C1orf21: variants seen among roughly 807,000 people sequenced by gnomAD.
C1orf21 encodes uncharacterized protein C1orf21.
C1orf21 carries 3 observed loss-of-function variants against 18.7 expected under a neutral mutation model. That is an observed-to-expected ratio of 0.16 (90% CI 0.07 to 0.42). The LOEUF (loss-of-function observed/expected upper bound fraction) is 0.42. Among genes scored for constraint, C1orf21 ranks in the 10% least tolerant of loss-of-function variants. The pLI is 0.99. For missense variants in C1orf21, 104 were observed against 143.6 expected (o/e 0.72, Z 1.41); for synonymous variants, 41 against 46.4 (o/e 0.88, Z 0.47).
chr1:184,486,090 G>T (rs1036842568), intron 2 of C1orf21, among the ~76,000 whole-genome samples: 37 of 152,214 alleles, frequency 2.4e-4, no homozygotes, highest in African/African-American at 8.2e-4. Flanking sequence ...GGGGCTCATG[G>T]AATCACAGAA....
At chr1:184,523,434 C>T (rs1004839467) in intron 3 of C1orf21, among the ~76,000 whole-genome samples, 1 of 152,054 alleles carries the variant, frequency 6.6e-6, no homozygotes, top group Non-Finnish European at 1.5e-5. Context: ...AAATATCTGA[C>T]TGGTACTCCT....
At chr1:184,602,949 A>G (rs933834249) in intron 5 of C1orf21, among the ~76,000 whole-genome samples, 1 of 152,226 alleles carries the variant, frequency 6.6e-6, no homozygotes, top group African/African-American at 2.4e-5. Flanking sequence ...GCACCTGATT[A>G]CTGTTTCTGA....
intron 2 of C1orf21, among the ~76,000 whole-genome samples, chr1:184,481,042 G>A (rs1448550226): frequency 1.3e-5 from 2 of 152,128 alleles, no homozygotes; most frequent in South Asian, 2.1e-4. Flanking sequence ...TAAGCACGTA[G>A]TTAGATAAGC....
intron 1 of C1orf21, among the ~76,000 whole-genome samples, chr1:184,410,663 A>ATATATTTTTTTT (rs67546366): frequency 1.3e-4 from 1 of 7,678 alleles, no homozygotes; most frequent in Non-Finnish European, 1.9e-4. Flanking sequence ...ATATATATAT[A>ATATATTTTTTTT]TTTTTTTTTT....
intron 1 of C1orf21, among the ~76,000 whole-genome samples, chr1:184,398,576 C>T (rs932038815): frequency 6.6e-6 from 1 of 152,164 alleles, no homozygotes; most frequent in Non-Finnish European, 1.5e-5. Flanking sequence ...AGAAATGTGT[C>T]TTTAGATGAT....
intron 3 of C1orf21, among the ~76,000 whole-genome samples, chr1:184,563,599 CATT>C (rs1022149060): frequency 6.6e-6 from 1 of 152,204 alleles, no homozygotes; most frequent in Non-Finnish European, 1.5e-5. Context: ...ACCTTCTTGA[CATT>C]ATTCCTGAAT....
intron 1 of C1orf21, among the ~76,000 whole-genome samples, chr1:184,468,009 TGTGA>T (rs1657429825): frequency 6.9e-6 from 1 of 145,112 alleles, no homozygotes; most frequent in Non-Finnish European, 1.5e-5. Flanking sequence ...TGTGTGTGTG[TGTGA>T]GAGAGAGAGA....
chr1:184,616,354 G>C (rs1371924650), intron 5 of C1orf21, among the ~76,000 whole-genome samples: 3 of 152,244 alleles, frequency 2.0e-5, no homozygotes, highest in Non-Finnish European at 4.4e-5. Flanking sequence ...TCCCCCGCAA[G>C]CATTAGGGCT....
At chr1:184,599,591 C>A (rs1203674539) in intron 5 of C1orf21, 1 of 152,046 alleles carries the variant, frequency 6.6e-6, no homozygotes, top group Non-Finnish European at 1.5e-5. Flanking sequence ...TAAATAAATA[C>A]TTGTTAAAGT....
At chr1:184,423,313 C>G (rs1188058091) in intron 1 of C1orf21, among the ~76,000 whole-genome samples, 1 of 152,110 alleles carries the variant, frequency 6.6e-6, no homozygotes, top group East Asian at 1.9e-4. Flanking sequence ...CAATAATGTA[C>G]AAAACAGATA....
chr1:184,514,749 G>A (rs191714631), intron 3 of C1orf21, among the ~76,000 whole-genome samples: 201 of 152,224 alleles, frequency 1.3e-3, no homozygotes, highest in African/African-American at 4.6e-3. Context: ...TTGTCGATAC[G>A]AGAATAATAC....
chr1:184,479,846 C>T (rs1404106617), intron 2 of C1orf21, among the ~76,000 whole-genome samples: 1 of 151,916 alleles, frequency 6.6e-6, no homozygotes, highest in Non-Finnish European at 1.5e-5. Context: ...TGATCTAAAA[C>T]TCCTGGACTC....
At chr1:184,619,036 C>T (rs1315586149) in intron 5 of C1orf21, among the ~76,000 whole-genome samples, 2 of 152,206 alleles carry the variant, frequency 1.3e-5, no homozygotes, top group Non-Finnish European at 2.9e-5. Flanking sequence ...ACCTGTTATG[C>T]GTGTTTAAGG....
intron 2 of C1orf21, among the ~76,000 whole-genome samples, chr1:184,495,876 C>T: frequency 6.7e-6 from 1 of 148,338 alleles, no homozygotes. Flanking sequence ...CAAGATCGTG[C>T]CACTGCACTC....
At chr1:184,497,218 GTGTTCATATTTACTGTGC>G (rs1249101503) in intron 2 of C1orf21, among the ~76,000 whole-genome samples, 1 of 152,230 alleles carries the variant, frequency 6.6e-6, no homozygotes, top group African/African-American at 2.4e-5. Context: ...GGAAGTTAGT[GTGTTCATATTTACTGTGC>G]TGCCCACCAT....
intron 2 of C1orf21, among the ~76,000 whole-genome samples, chr1:184,505,836 C>G (rs1301971252): frequency 6.6e-6 from 1 of 151,490 alleles, no homozygotes; most frequent in East Asian, 1.9e-4. Context: ...ATTAATGTCC[C>G]AAACTGAAGT....
At chr1:184,496,701 GAGA>G (rs920446603) in intron 2 of C1orf21, among the ~76,000 whole-genome samples, 3 of 152,210 alleles carry the variant, frequency 2.0e-5, no homozygotes, top group African/African-American at 7.2e-5. Flanking sequence ...GAAGACAGTA[GAGA>G]AGATGTGCTA....
rs1035826483 is a variant in C1orf21 at position 184,623,371 on chromosome 1, T to G, written c.*3815T>G. On this transcript the variant is annotated 3_prime_UTR_variant, in exon 6 of 6. Transcript: ENST00000235307. ...TGCCTCCCCTAAAGAAAAAGGATAT[T>G]AGATTGCACACTATAATTTTACATA... 3.3e-5 allele frequency: 5 copies of G among 152,192 alleles called. No homozygotes were observed. Among genetic ancestry groups the G allele is most frequent in the African/African-American group, 1.2e-4 (5 of 41,444 alleles). The allele number at this position is 152,192 out of a possible 1,614,324, so 9.4% of individuals were successfully genotyped here. A position where few individuals can be genotyped will look rare whatever the true frequency, so the allele number is the denominator to read the frequency against.
At chr1:184,417,329 G>A (rs965453498) in intron 1 of C1orf21, among the ~76,000 whole-genome samples, 2 of 152,074 alleles carry the variant, frequency 1.3e-5, no homozygotes, top group African/African-American at 2.4e-5. Flanking sequence ...TATTTTTTAA[G>A]TACAGTTAGA....
Sources: gnomAD v4.1 joint callset for allele counts (sites outside exome capture counted in the v4.1 genomes callset) on GRCh38, gnomAD v4.1.1 for gene constraint, MANE v1.5 for transcripts, NCBI Gene and HGNC (gene_info 2026-07-23, HGNC 2026-07-21) for gene names.